YAF2: variants seen among roughly 807,000 people sequenced by gnomAD.
The protein encoded by YAF2 is YY1 associated factor 2.
A neutral mutation model predicts 20.1 loss-of-function variants in YAF2; 7 were observed. That is an observed-to-expected ratio of 0.35 (90% CI 0.20 to 0.65). YAF2 has a LOEUF of 0.65. Among genes scored for constraint, YAF2 ranks in the 30% least tolerant of loss-of-function variants. The probability of loss-of-function intolerance (pLI) is 0.69; values close to 1 mark genes in which losing one functional copy is unlikely to be tolerated. For synonymous variants in YAF2, 74 were observed against 76.0 expected (o/e 0.97, Z 0.14); for missense variants, 151 against 219.2 (o/e 0.69, Z 1.96).
intron 2 of YAF2, among the ~76,000 whole-genome samples, chr12:42,226,104 G>A (rs1322004290): frequency 1.3e-5 from 2 of 152,092 alleles, no homozygotes; most frequent in Non-Finnish European, 2.9e-5. Flanking sequence ...TCCCTTGTAA[G>A]TTGTATTCCT....
chr12:42,191,160 G>A (rs1330171751), intron 2 of YAF2, among the ~76,000 whole-genome samples: 2 of 152,046 alleles, frequency 1.3e-5, no homozygotes, highest in Admixed American at 6.6e-5. Flanking sequence ...TACCATTGCT[G>A]TTAATGTTTA....
intron 2 of YAF2, among the ~76,000 whole-genome samples, chr12:42,164,159 C>G (rs2065860767): frequency 6.6e-6 from 1 of 152,178 alleles, no homozygotes; most frequent in Non-Finnish European, 1.5e-5. Context: ...AGTCCATCAT[C>G]TACTTATTCA....
At chr12:42,189,164 A>G (rs2066549692) in intron 2 of YAF2, among the ~76,000 whole-genome samples, 2 of 152,180 alleles carry the variant, frequency 1.3e-5, no homozygotes, top group Admixed American at 6.5e-5. Context: ...CATCTCAAGA[A>G]GATGTATAAA....
chr12:42,163,403 TACTAC>T (rs1432099786), intron 2 of YAF2, among the ~76,000 whole-genome samples: 15 of 152,160 alleles, frequency 9.9e-5, no homozygotes, highest in Admixed American at 9.8e-4. Context: ...AATAGAAAGG[TACTAC>T]ACTACAGTAG....
At chr12:42,195,934 A>C (rs928690282) in intron 2 of YAF2, among the ~76,000 whole-genome samples, 2 of 152,072 alleles carry the variant, frequency 1.3e-5, no homozygotes, top group African/African-American at 4.8e-5. Context: ...AGAGAATGGG[A>C]GGACAGGCCA....
chr12:42,200,261 G>A (rs2137153220), intron 2 of YAF2, among the ~76,000 whole-genome samples: 1 of 152,250 alleles, frequency 6.6e-6, no homozygotes, highest in Middle Eastern at 3.4e-3. Flanking sequence ...TTTGTATTTG[G>A]AGGGAAAGTG....
chr12:42,205,194 TATATAC>T (rs1262089884), intron 2 of YAF2, among the ~76,000 whole-genome samples: 3 of 151,988 alleles, frequency 2.0e-5, no homozygotes, highest in Admixed American at 6.5e-5. Context: ...TTTTAAAATT[TATATAC>T]ATATAAATTA....
chr12:42,202,731 C>T (rs2066933667), intron 2 of YAF2, among the ~76,000 whole-genome samples: 1 of 152,138 alleles, frequency 6.6e-6, no homozygotes, highest in South Asian at 2.1e-4. Flanking sequence ...CTCCGCCTCC[C>T]AGGTTCAAGC....
intron 2 of YAF2, chr12:42,234,894 G>A: frequency 1.3e-6 from 1 of 769,622 alleles, no homozygotes; most frequent in Non-Finnish European, 1.6e-6. Context: ...AGGCTGAGGT[G>A]GGAGGATTCC....
At chr12:42,200,153 A>G (rs1289449021) in intron 2 of YAF2, among the ~76,000 whole-genome samples, 1 of 152,176 alleles carries the variant, frequency 6.6e-6, no homozygotes, top group Non-Finnish European at 1.5e-5. Flanking sequence ...CAGAGTTTAC[A>G]CTCTGGTAGT....
At chr12:42,191,547 C>G (rs1036318386) in intron 2 of YAF2, among the ~76,000 whole-genome samples, 1 of 152,068 alleles carries the variant, frequency 6.6e-6, no homozygotes, top group Non-Finnish European at 1.5e-5. Flanking sequence ...GGCCTTTATA[C>G]TTTTAACAAG....
chr12:42,182,527 T>C (rs1001411448), intron 2 of YAF2, among the ~76,000 whole-genome samples: 3 of 152,194 alleles, frequency 2.0e-5, no homozygotes, highest in African/African-American at 4.8e-5. Flanking sequence ...TACAATATCA[T>C]TGGAAAAGAT....
Position 42,213,104 on chromosome 12 carries a change from GAGTCCA to G in YAF2, c.152+24489_152+24494del, listed in dbSNP as rs571856874. On this transcript the variant is annotated intron_variant, in intron 2 of 3. Coordinates refer to ENST00000534854, the MANE Select transcript of YAF2 (RefSeq NM_005748.6). The stretch of plus-strand genomic sequence containing the variant: ...CAAGCCTGTAATCCCAGCACTTTGG[GAGTCCA>G]AGGCGGGCCTTTCTCTCACTGTCCA... Among the ~76,000 whole-genome samples, 12 of 152,374 alleles carry G rather than the reference GAGTCCA, an allele frequency of 7.9e-5. 1 individual carries two copies. The South Asian group carries it at 2.5e-3, about 32-fold the overall frequency.
chr12:42,228,284 C>T lies in YAF2; in HGVS notation c.152+9315G>A, dbSNP rs1461436901. Among the ~76,000 whole-genome samples the T allele has an allele frequency of 4.0e-5, 2 of 50,056 alleles. 1 individual carries two copies. Among genetic ancestry groups the T allele is most frequent in the Non-Finnish European group, 6.3e-5 (2 of 31,526 alleles). The allele number at this position is 50,056 out of a possible 152,430, so 32.8% of individuals were successfully genotyped here. ...CCCCGCCCGCGCCAGCCGCCCCGTC[C>T]GGGAGGGAGGTGGGGGGGGGTCAGC... On this transcript the variant is annotated intron_variant, in intron 2 of 3. Transcript: ENST00000534854.
chr12:42,179,907 C>T (rs2137042790), intron 2 of YAF2, among the ~76,000 whole-genome samples: 2 of 151,796 alleles, frequency 1.3e-5, no homozygotes, highest in South Asian at 4.2e-4. Context: ...ATAGTATACT[C>T]ACTAATAAAC....
intron 2 of YAF2, among the ~76,000 whole-genome samples, chr12:42,202,959 T>C (rs2066939639): frequency 6.6e-6 from 1 of 152,128 alleles, no homozygotes; most frequent in Non-Finnish European, 1.5e-5. Flanking sequence ...ATTTTTAAAT[T>C]CATCTTGACA....
At chr12:42,217,894 G>C (rs1436216380) in intron 2 of YAF2, among the ~76,000 whole-genome samples, 2 of 152,100 alleles carry the variant, frequency 1.3e-5, no homozygotes, top group Admixed American at 1.3e-4. Flanking sequence ...CAATCATAAA[G>C]ACCATGAAAT....
At chr12:42,207,816 A>G (rs887033036) in intron 2 of YAF2, among the ~76,000 whole-genome samples, 14 of 152,234 alleles carry the variant, frequency 9.2e-5, no homozygotes, top group South Asian at 4.1e-4. Flanking sequence ...GCGTGAACCC[A>G]GGAGGCAGAG....
At chr12:42,173,032 G>T (rs2066088712) in intron 2 of YAF2, among the ~76,000 whole-genome samples, 1 of 152,088 alleles carries the variant, frequency 6.6e-6, no homozygotes, top group South Asian at 2.1e-4. Flanking sequence ...ATGGACATGA[G>T]AGAGGGAGAG....
Sources: gnomAD v4.1 joint callset for allele counts (sites outside exome capture counted in the v4.1 genomes callset) on GRCh38, gnomAD v4.1.1 for gene constraint, MANE v1.5 for transcripts, NCBI Gene and HGNC (gene_info 2026-07-23, HGNC 2026-07-21) for gene names.